Variants in RAVER1 observed in about 807,000 individuals in gnomAD.
RAVER1 encodes ribonucleoprotein, PTB binding 1, also known as ribonucleoprotein PTB-binding 1.
In RAVER1, 36 loss-of-function variants were observed where a neutral mutation model predicts 68.4. The observed-to-expected ratio is 0.53, with a 90% confidence interval of 0.40 to 0.70. The LOEUF is 0.70. RAVER1 is among the 30% of genes least tolerant of loss of function. RAVER1 has a pLI of 0.00. For missense variants in RAVER1, 933 were observed against 1,019.8 expected, an observed-to-expected ratio of 0.91 and a Z score of 1.16; for synonymous variants, 469 against 472.7, an observed-to-expected ratio of 0.99 and a Z score of 0.10.
chr19:10,321,774 A>G (rs1415938073), intron 6 of RAVER1, 156 bp from the exon 7 acceptor site: 3 of 450,870 alleles, frequency 6.7e-6, no homozygotes, highest in African/African-American at 2.0e-5. Context: ...CCACACTCCA[A>G]CTCTATCACT....
At chr19:10,325,146 G>A (rs534190457) in intron 3 of RAVER1, among the ~76,000 whole-genome samples, 11 of 151,750 alleles carry the variant, frequency 7.2e-5, no homozygotes, top group East Asian at 5.8e-4. Flanking sequence ...TCAGCTTCCC[G>A]AGTAGCTGGG....
intron 1 of RAVER1, among the ~76,000 whole-genome samples, chr19:10,331,393 C>CAA (rs1171709414): frequency 0.017 from 830 of 48,526 alleles, 72 homozygotes; most frequent in African/African-American, 0.071. Flanking sequence ...ATAACAACAA[C>CAA]AAAAAAAAAA....
In RAVER1 at chr19:10,333,277, C is replaced by T. The variant is rs1440132909; in HGVS notation, c.219+12G>A. 3 of 1,608,552 alleles carry T rather than the reference C, an allele frequency of 1.9e-6. No individual in the cohort carries two copies. The highest frequency in any genetic ancestry group is 2.5e-6 in the Non-Finnish European group (3 of 1,177,150). The stretch of plus-strand genomic sequence containing the variant: ...ATTTCCCGCCACGCTCCTACACCGC[C>T]CCCCCCAATACCTGGTTGGTCACGT... On this transcript the variant is annotated intron_variant, in intron 1 of 12. Coordinates refer to ENST00000617231, the MANE Select transcript of RAVER1 (RefSeq NM_133452.3). The surrounding 1 kb of genome is among the most constrained non-coding windows in gnomAD (Gnocchi z 4.2).
intron 3 of RAVER1, among the ~76,000 whole-genome samples, chr19:10,325,535 T>A (rs1385281366): frequency 6.6e-6 from 1 of 151,864 alleles, no homozygotes. Context: ...TGAGACAGGG[T>A]TTTACCATGT....
In RAVER1 at chr19:10,317,831, C is replaced by T. The variant is rs1032713010; in HGVS notation, c.1990-58G>A. On this transcript the variant is annotated intron_variant, in intron 11 of 12. Transcript: ENST00000617231. This position sits in a 1 kb window ranked among gnomAD's most constrained non-coding sequence, Gnocchi z 4.3. ...CCCTGGGGGCCAGAGGAAGCACCCA[C>T]CCCGCCCCCCTGCCACTGCCCCCCA... 1.2e-4 allele frequency: 117 copies of T among 987,746 alleles called. No homozygotes were observed. The highest frequency in any genetic ancestry group is 1.6e-4 in the Non-Finnish European group (101 of 637,202). The allele number at this position is 987,746 out of a possible 1,614,324, so 61.2% of individuals were successfully genotyped here.
chr19:10,318,640 G>T (rs933086597), intron 10 of RAVER1, among the ~76,000 whole-genome samples: 66 of 152,214 alleles, frequency 4.3e-4, no homozygotes, highest in African/African-American at 1.5e-3. Flanking sequence ...GATTACAGGC[G>T]TGAGCCACCA....
At position 10,333,430 on chromosome 19, in the gene RAVER1, G is replaced by A. The variant is rs772838874; in HGVS notation, c.78C>T (p.Ala26=). 1.2e-6 allele frequency: 2 copies of A among 1,613,348 alleles called. No individual in the cohort carries two copies. Among genetic ancestry groups the A allele is most frequent in the South Asian group, 2.2e-5 (2 of 91,076 alleles). The change falls in exon 1 of 13, where the codon GCC becomes GCT. Residue 26 remains alanine, a synonymous_variant. Transcript: ENST00000617231. The surrounding 1 kb of genome is among the most constrained non-coding windows in gnomAD (Gnocchi z 4.2). ...KSGAEVEAGD[A]AERRAPEEEL... ...CTTCTTCCGGCGCCCGGCGCTCCGC[G>A]GCATCGCCGGCTTCGACTTCGGCCC...
At chr19:10,319,886 C>T (rs1025526758) in intron 9 of RAVER1, among the ~76,000 whole-genome samples, 2 of 151,442 alleles carry the variant, frequency 1.3e-5, no homozygotes, top group African/African-American at 2.4e-5. Flanking sequence ...GTGATCTGCC[C>T]GCCTCGGCCT....
chr19:10,325,075 C>T (rs745826865), intron 3 of RAVER1, among the ~76,000 whole-genome samples: 8 of 151,704 alleles, frequency 5.3e-5, no homozygotes, highest in African/African-American at 1.7e-4. Flanking sequence ...GGCTGGAGTG[C>T]GGTGGCATGA....
At position 10,316,684 on chromosome 19, in the gene RAVER1, G is replaced by C. The variant is rs1000881031; in HGVS notation, c.*770C>G. ...GGCTTTCCCCTTCTACTGTCCCCAG[G>C]GTGGAGATCCTGGGTAGGGTGGCCC... On this transcript the variant is annotated 3_prime_UTR_variant, in exon 13 of 13. Coordinates refer to ENST00000617231, the MANE Select transcript of RAVER1 (RefSeq NM_133452.3). 50 of 525,786 alleles carry C rather than the reference G, an allele frequency of 9.5e-5. No individual in the cohort carries two copies. Among genetic ancestry groups the C allele is most frequent in the African/African-American group, 8.8e-4 (43 of 48,680 alleles). 32.6% of individuals were successfully genotyped at this position (525,786 alleles called of 1,614,324 possible).
At chr19:10,331,312 TGCAGTCC>T (rs2040514493) in intron 1 of RAVER1, among the ~76,000 whole-genome samples, 1 of 120,744 alleles carries the variant, frequency 8.3e-6, no homozygotes, top group Admixed American at 1.1e-4. Context: ...ATTGCGCCAC[TGCAGTCC>T]GCAGTCCAGC....
Position 10,328,981 on chromosome 19 carries a change from C to T in RAVER1, c.417G>A (p.Leu139=), listed in dbSNP as rs1173344007. 1.9e-6 allele frequency: 3 copies of T among 1,594,712 alleles called. No individual in the cohort carries two copies. The highest frequency in any genetic ancestry group is 2.6e-6 in the Non-Finnish European group (3 of 1,167,950). ...ACTGCTGCTGTGTGAGGCTGGGGGG[C>T]AGGTTGGCCACACACAGCAGGGCAT... ...PTDALLCVAN[L]PPSLTQQQFE... Residue 139 remains leucine, a synonymous_variant, in exon 3 of 13, where the codon CTG becomes CTA. Coordinates refer to ENST00000617231, the MANE Select transcript of RAVER1 (RefSeq NM_133452.3). This position sits in a 1 kb window ranked among gnomAD's most constrained non-coding sequence, Gnocchi z 4.4.
At chr19:10,321,400 C>T in intron 7 of RAVER1, 131 bp downstream of exon 7, 1 of 868,262 alleles carries the variant, frequency 1.2e-6, no homozygotes, top group Non-Finnish European at 1.6e-6. Context: ...TCCCTGGGCC[C>T]TGAGTGGAGG....
rs1353929929 is a variant in RAVER1, at chr19:10,317,191, GGGA to G, written c.*260_*262del. ...CACAGCGGAGGAGGAGATGGGGGGA[GGGA>G]GGGAGAGCAGGCCGGGGCCCCTCTC... On this transcript the variant is annotated 3_prime_UTR_variant, in exon 13 of 13. Transcript: ENST00000617231. This position sits in a 1 kb window ranked among gnomAD's most constrained non-coding sequence, Gnocchi z 4.3. The G allele has an allele frequency of 2.0e-6, 1 of 510,864 alleles. No homozygotes were observed. The highest frequency in any genetic ancestry group is 3.5e-6 in the Non-Finnish European group (1 of 287,342). The allele number at this position is 510,864 out of a possible 1,614,324, so 31.6% of individuals were successfully genotyped here. A position where few individuals can be genotyped will look rare whatever the true frequency, so the allele number is the denominator to read the frequency against.
intron 1 of RAVER1, among the ~76,000 whole-genome samples, chr19:10,331,777 C>T (rs186286509): frequency 2.0e-4 from 30 of 150,718 alleles, no homozygotes; most frequent in Admixed American, 2.0e-3. Flanking sequence ...TTTCCAACAA[C>T]TCTGTAAGTG....
chr19:10,322,588 G>T lies in RAVER1; in HGVS notation c.1173+57C>A. ...CCACCCCACCGATCGCACCAGCTGTGTTGAAAAGAGCCTGTAGGGGCTGTA... is the reference window on the plus strand; with the variant it reads ...CCACCCCACCGATCGCACCAGCTGTTTTGAAAAGAGCCTGTAGGGGCTGTA... On this transcript the variant is annotated intron_variant, in intron 6 of 12. Coordinates refer to ENST00000617231, the MANE Select transcript of RAVER1 (RefSeq NM_133452.3). The surrounding 1 kb of genome is among the most constrained non-coding windows in gnomAD (Gnocchi z 4.3). 1 of 1,266,106 alleles carries T rather than the reference G, an allele frequency of 7.9e-7. No homozygotes were observed. Among genetic ancestry groups the T allele is most frequent in the Non-Finnish European group, 1.1e-6 (1 of 926,388 alleles). The allele number at this position is 1,266,106 out of a possible 1,614,324, so 78.4% of individuals were successfully genotyped here.
Position 10,323,158 on chromosome 19 carries a change from CG to C in RAVER1, c.1064del (p.Ala355GlyfsTer152). The C allele has an allele frequency of 6.2e-7, 1 of 1,602,932 alleles. No individual in the cohort carries two copies. Among genetic ancestry groups the C allele is most frequent in the Non-Finnish European group, 8.5e-7 (1 of 1,175,046 alleles). On this transcript the variant is annotated frameshift_variant, in exon 5 of 13. Coordinates refer to ENST00000617231, the MANE Select transcript of RAVER1 (RefSeq NM_133452.3). LOFTEE classifies it high-confidence loss of function. This position sits in a 1 kb window ranked among gnomAD's most constrained non-coding sequence, Gnocchi z 6.2. ...GCCCCACCTTACCCTGCTTCCCCCC[CG>C]CACTGCCATGGAGCAGGGGGTTGAG... ...LLLNPLLHGS[A>X]GGKQGLLGAP...
At position 10,323,112 on chromosome 19, in the gene RAVER1, G is replaced by T; in HGVS notation, c.1078+33C>A. On this transcript the variant is annotated intron_variant, in intron 5 of 12. Transcript: ENST00000617231. This position sits in a 1 kb window ranked among gnomAD's most constrained non-coding sequence, Gnocchi z 6.2. ...GGGGCAGCGCTGCAGCCCCTGTTCT[G>T]CACAGTGGGGCCCCTGTCCAGCCCC... is the stretch of plus-strand genomic sequence containing the variant. 6.5e-7 allele frequency: 1 copy of T among 1,528,874 alleles called. No homozygotes were observed. The highest frequency in any genetic ancestry group is 8.8e-7 in the Non-Finnish European group (1 of 1,135,408). The allele number at this position is 1,528,874 out of a possible 1,614,324, so 94.7% of individuals were successfully genotyped here. A position where few individuals can be genotyped will look rare whatever the true frequency, so the allele number is the denominator to read the frequency against.
chr19:10,317,332 C>T lies in RAVER1; in HGVS notation c.*122G>A. 8.7e-7 allele frequency: 1 copy of T among 1,146,168 alleles called. No homozygotes were observed. Among genetic ancestry groups the T allele is most frequent in the Non-Finnish European group, 1.3e-6 (1 of 780,408 alleles). 71.0% of individuals were successfully genotyped at this position (1,146,168 alleles called of 1,614,324 possible). ...GCTCCGGCTGATTGGTCAGTAAAGT[C>T]TTTCAGAGATTTTTCTATTACCGAA... On this transcript the variant is annotated 3_prime_UTR_variant, in exon 13 of 13. Coordinates refer to ENST00000617231, the MANE Select transcript of RAVER1 (RefSeq NM_133452.3). The surrounding 1 kb of genome is among the most constrained non-coding windows in gnomAD (Gnocchi z 4.3).
Sources: allele counts gnomAD v4.1 joint callset (sites outside exome capture counted in the v4.1 genomes callset), GRCh38; gene constraint gnomAD v4.1.1; non-coding constraint Gnocchi (gnomAD v3.1); transcripts MANE v1.5; gene names NCBI Gene and HGNC (gene_info 2026-07-23, HGNC 2026-07-21).